GLRA3: variants seen among roughly 807,000 people sequenced by gnomAD.
GLRA3 encodes the protein glycine receptor subunit alpha-3.
A neutral mutation model predicts 60.4 loss-of-function variants in GLRA3; 44 were observed. The observed-to-expected ratio is 0.73, with a 90% CI of 0.57 to 0.94. The LOEUF (loss-of-function observed/expected upper bound fraction) is 0.94, where lower values mean the gene tolerates loss of function less well. Ranked by LOEUF, GLRA3 falls within the 40% of genes least tolerant of loss-of-function variation. The probability of loss-of-function intolerance (pLI) is 0.00; values close to 1 mark genes in which losing one functional copy is unlikely to be tolerated. For synonymous variants in GLRA3, 223 were observed against 192.9 expected, an observed-to-expected ratio of 1.16 and a Z score of -1.29; for missense variants, 508 against 564.6, an observed-to-expected ratio of 0.90 and a Z score of 1.02.
chr4:174,736,381 A>G (rs1387888786), intron 3 of GLRA3, among the ~76,000 whole-genome samples: 1 of 152,134 alleles, frequency 6.6e-6, no homozygotes, highest in Non-Finnish European at 1.5e-5. Context: ...ATTATGCAGT[A>G]TTACAGTATT....
At chr4:174,644,354 T>TAA (rs576426976) in intron 9 of GLRA3, among the ~76,000 whole-genome samples, 4 of 147,284 alleles carry the variant, frequency 2.7e-5, no homozygotes, top group Admixed American at 1.4e-4. Flanking sequence ...ATATCTAAAT[T>TAA]AAAAAAAAAA....
intron 7 of GLRA3, among the ~76,000 whole-genome samples, chr4:174,662,706 C>T (rs1223975513): frequency 2.6e-5 from 4 of 151,998 alleles, no homozygotes; most frequent in Non-Finnish European, 4.4e-5. Flanking sequence ...CCTATCTTTC[C>T]CAGCAGGTTC....
intron 5 of GLRA3, 51 bp downstream of exon 5, chr4:174,715,437 G>A (rs373090389): frequency 1.2e-6 from 1 of 850,986 alleles, no homozygotes; most frequent in Admixed American, 2.0e-5. Context: ...TTAAAAGCTT[G>A]TATCTACTAT....
At chr4:174,770,599 A>C (rs1041382076) in intron 2 of GLRA3, among the ~76,000 whole-genome samples, 1 of 65,304 alleles carries the variant, frequency 1.5e-5, no homozygotes, top group African/African-American at 4.5e-5. Context: ...AGTTTACTAA[A>C]CATAGGAATG....
Position 174,640,284 on chromosome 4 carries a change from T to A in GLRA3, c.*3502A>T, listed in dbSNP as rs1237197311. On this transcript the variant is annotated 3_prime_UTR_variant, in exon 10 of 10. Transcript: ENST00000274093. ...TTTAGGGGACACCTGTGAAAAACAATGCTGTCAGTTTCCTTCTTTTCCATT... is the reference window on the plus strand; with the variant it reads ...TTTAGGGGACACCTGTGAAAAACAAAGCTGTCAGTTTCCTTCTTTTCCATT... The A allele has an allele frequency of 1.3e-5, 2 of 152,126 alleles. No individual in the cohort carries two copies. The allele number at this position is 152,126 out of a possible 1,614,324, so 9.4% of individuals were successfully genotyped here.
chr4:174,725,563 C>G (rs536594589), intron 4 of GLRA3, among the ~76,000 whole-genome samples: 1 of 152,128 alleles, frequency 6.6e-6, no homozygotes, highest in African/African-American at 2.4e-5. Context: ...TCACTGCAAC[C>G]GCTGCCTCTT....
chr4:174,778,836 G>C (rs796181050), intron 2 of GLRA3, among the ~76,000 whole-genome samples: 54 of 152,306 alleles, frequency 3.5e-4, no homozygotes, highest in African/African-American at 1.2e-3. Flanking sequence ...ACGGAGTCTC[G>C]CTGATTGCTA....
At chr4:174,699,344 A>T (rs1735206336) in intron 5 of GLRA3, among the ~76,000 whole-genome samples, 1 of 152,172 alleles carries the variant, frequency 6.6e-6, no homozygotes, top group African/African-American at 2.4e-5. Context: ...TAAACAGAAA[A>T]TAATACTGCC....
chr4:174,719,791 A>C (rs11736307), intron 4 of GLRA3, among the ~76,000 whole-genome samples: 139,022 of 152,164 alleles, frequency 0.91, 64,797 homozygotes, highest in East Asian at 1. Context: ...TGGACCGCTT[A>C]AGAAAAACAT....
chr4:174,692,377 T>C (rs112016865), intron 5 of GLRA3, among the ~76,000 whole-genome samples: 57,797 of 140,804 alleles, frequency 0.41, 12,542 homozygotes, highest in Middle Eastern at 0.51. Context: ...CGCCTCTGCC[T>C]GGCCGCCCCT....
intron 3 of GLRA3, among the ~76,000 whole-genome samples, chr4:174,744,548 C>T (rs1737160843): frequency 6.6e-6 from 1 of 152,222 alleles, no homozygotes; most frequent in East Asian, 1.9e-4. Context: ...ACCACCAATG[C>T]TGTTTATAGT....
chr4:174,822,013 T>C (rs1386803175), intron 1 of GLRA3, among the ~76,000 whole-genome samples: 1 of 152,188 alleles, frequency 6.6e-6, no homozygotes. Flanking sequence ...TTAAACATTA[T>C]GGAGGTAAAA....
intron 3 of GLRA3, among the ~76,000 whole-genome samples, chr4:174,740,563 T>A (rs956304443): frequency 1.3e-5 from 2 of 152,242 alleles, no homozygotes; most frequent in African/African-American, 4.8e-5. Flanking sequence ...CTGATCCACA[T>A]ACATGTGAGA....
At chr4:174,792,943 C>A (rs1166770967) in intron 1 of GLRA3, among the ~76,000 whole-genome samples, 1 of 152,096 alleles carries the variant, frequency 6.6e-6, no homozygotes, top group Non-Finnish European at 1.5e-5. Context: ...GTTGTCACCA[C>A]GGAGCTGAAG....
At chr4:174,796,441 T>G (rs1739571851) in intron 1 of GLRA3, among the ~76,000 whole-genome samples, 1 of 152,224 alleles carries the variant, frequency 6.6e-6, no homozygotes, top group South Asian at 2.1e-4. Flanking sequence ...GATTTTACTT[T>G]TAAAGATTCA....
chr4:174,751,742 G>A (rs1737494232), intron 3 of GLRA3, among the ~76,000 whole-genome samples: 1 of 151,856 alleles, frequency 6.6e-6, no homozygotes, highest in African/African-American at 2.4e-5. Context: ...ACACTTTAGA[G>A]CACACATTAT....
intron 3 of GLRA3, among the ~76,000 whole-genome samples, chr4:174,733,753 C>A (rs1282835828): frequency 6.6e-6 from 1 of 152,172 alleles, no homozygotes; most frequent in Non-Finnish European, 1.5e-5. Context: ...TCCTGACCAC[C>A]ATGATGTCTT....
At chr4:174,784,565 C>T (rs1739043588) in intron 2 of GLRA3, among the ~76,000 whole-genome samples, 1 of 151,814 alleles carries the variant, frequency 6.6e-6, no homozygotes, top group Non-Finnish European at 1.5e-5. Context: ...TGACCTGTGC[C>T]TAAGTGAACA....
intron 1 of GLRA3, among the ~76,000 whole-genome samples, chr4:174,827,202 T>C (rs6825827): frequency 0.37 from 56,586 of 151,738 alleles, 10,746 homozygotes; most frequent in East Asian, 0.44. Flanking sequence ...CCATTTGAAA[T>C]ACTTTTTCAT....
Sources: allele counts gnomAD v4.1 joint callset (sites outside exome capture counted in the v4.1 genomes callset), GRCh38; gene constraint gnomAD v4.1.1; transcripts MANE v1.5; gene names NCBI Gene and HGNC (gene_info 2026-07-23, HGNC 2026-07-21).